Variants in MAST4 observed in about 807,000 individuals in gnomAD.
MAST4 encodes microtubule-associated serine/threonine-protein kinase 4.
A neutral mutation model predicts 162.7 loss-of-function variants in MAST4; 89 were observed. The observed-to-expected ratio is 0.55, with a 90% CI of 0.46 to 0.65. The LOEUF is 0.65. Among genes scored for constraint, MAST4 ranks in the 30% least tolerant of loss-of-function variants. The probability of loss-of-function intolerance (pLI) is 0.00; values close to 1 mark genes in which losing one functional copy is unlikely to be tolerated. For missense variants in MAST4, 3,153 were observed against 3,374.0 expected (o/e 0.93, Z 1.62); for synonymous variants, 1,479 against 1,361.1 (o/e 1.09, Z -1.91).
intron 3 of MAST4, among the ~76,000 whole-genome samples, chr5:66,837,894 ATTTTTTTTTTTTTT>A (rs754095073): frequency 0.34 from 18,120 of 53,442 alleles, 1,976 homozygotes; most frequent in Non-Finnish European, 0.4. Flanking sequence ...ATATATATAT[ATTTTTTTTTTTTTT>A]TTTTTTTTTA....
chr5:66,832,612 G>A (rs1222329043), intron 3 of MAST4, among the ~76,000 whole-genome samples: 1 of 152,114 alleles, frequency 6.6e-6, no homozygotes, highest in Non-Finnish European at 1.5e-5. Context: ...GTGCATGAAT[G>A]TATATTCAAG....
intron 14 of MAST4, among the ~76,000 whole-genome samples, chr5:67,126,738 G>A (rs1293592830): frequency 6.6e-6 from 1 of 152,020 alleles, no homozygotes; most frequent in African/African-American, 2.4e-5. Flanking sequence ...CTCTTTTTTG[G>A]TTCCCTATGA....
intron 3 of MAST4, among the ~76,000 whole-genome samples, chr5:66,850,423 T>A (rs1215192583): frequency 6.6e-6 from 1 of 152,232 alleles, no homozygotes; most frequent in East Asian, 1.9e-4. Flanking sequence ...ATGCTTGAGT[T>A]CTTCTGTGTG....
At chr5:66,736,306 A>G (rs980653197) in intron 1 of MAST4, among the ~76,000 whole-genome samples, 8 of 147,956 alleles carry the variant, frequency 5.4e-5, no homozygotes, top group Non-Finnish European at 1.0e-4. Flanking sequence ...GCAACCATGT[A>G]GTGAGGGAAT....
At chr5:67,004,164 C>T (rs1011001628) in intron 4 of MAST4, among the ~76,000 whole-genome samples, 2 of 152,086 alleles carry the variant, frequency 1.3e-5, no homozygotes, top group Non-Finnish European at 2.9e-5. Flanking sequence ...GGAGCGGCGG[C>T]CCAGGCTGCG....
chr5:67,059,473 A>AC (rs1759289091), intron 5 of MAST4, among the ~76,000 whole-genome samples: 2 of 152,268 alleles, frequency 1.3e-5, no homozygotes, highest in South Asian at 4.1e-4. Context: ...CCACAGTAAC[A>AC]CTTCATATTG....
rs35352639 is a variant in MAST4, at chr5:67,100,424, G to GT, written c.913-4dup. 3 of 1,613,576 alleles carry GT rather than the reference G, an allele frequency of 1.9e-6. No homozygotes were observed. Among genetic ancestry groups the GT allele is most frequent in the East Asian group, 2.2e-5 (1 of 44,854 alleles). ...GAGGTAGTTATGTGACCTCACTTTG[G>GT]TTTTTTTCAGTCATCCTGTTCCTCC... is the stretch of plus-strand genomic sequence containing the variant. On this transcript the variant is annotated splice_polypyrimidine_tract_variant and intron_variant, in intron 7 of 28. Transcript: ENST00000403625.
intron 3 of MAST4, among the ~76,000 whole-genome samples, chr5:66,789,988 A>ATTTTTTTTTTTTTTTTTTTTTTTTTTT (rs57743987): frequency 1.9e-5 from 1 of 52,476 alleles, no homozygotes; most frequent in African/African-American, 1.1e-4. Context: ...GCTTATTAGA[A>ATTTTTTTTTTTTTTTTTTTTTTTTTTT]TTTTTTTTTT....
intron 1 of MAST4, among the ~76,000 whole-genome samples, chr5:66,640,812 T>C (rs1168867876): frequency 1.3e-5 from 2 of 152,212 alleles, no homozygotes; most frequent in Admixed American, 6.5e-5. Flanking sequence ...TCTCATACTG[T>C]TTTTCATAAT....
At chr5:67,078,854 A>ATG (rs1762082731) in intron 5 of MAST4, among the ~76,000 whole-genome samples, 1 of 116,162 alleles carries the variant, frequency 8.6e-6, no homozygotes, top group African/African-American at 3.6e-5. Context: ...ATATTTATAT[A>ATG]TTTATATAAA....
rs181165172 is a variant in MAST4, at chr5:67,056,048, A to T, written c.763+1556A>T. Among the ~76,000 whole-genome samples, 318 of 149,436 alleles carry T rather than the reference A, an allele frequency of 2.1e-3. 1 individual carries two copies. The highest frequency in any genetic ancestry group is 3.9e-3 in the Non-Finnish European group (261 of 67,460). ...TGATATATATTATATATCCTATAAT[A>T]TGATTATATTCTATATATTCACTGT... On this transcript the variant is annotated intron_variant, in intron 5 of 28. Transcript: ENST00000403625.
chr5:66,837,592 G>T (rs1215184322), intron 3 of MAST4, among the ~76,000 whole-genome samples: 4 of 151,760 alleles, frequency 2.6e-5, no homozygotes, highest in Non-Finnish European at 4.4e-5. Context: ...CCCTTAGGAC[G>T]TGGTTCACCT....
chr5:66,788,924 G>T, intron 3 of MAST4, 130 bp downstream of exon 3: 1 of 1,226,210 alleles, frequency 8.2e-7, no homozygotes, highest in Non-Finnish European at 1.1e-6. Context: ...TGGCAATGTG[G>T]AATTCCTTGC....
At chr5:66,811,359 G>C (rs1361352249) in intron 3 of MAST4, among the ~76,000 whole-genome samples, 1 of 152,112 alleles carries the variant, frequency 6.6e-6, no homozygotes, top group Admixed American at 6.5e-5. Flanking sequence ...TTTTGGGTAG[G>C]AGGGAAAAAT....
chr5:66,833,482 C>A (rs949080968), intron 3 of MAST4, among the ~76,000 whole-genome samples: 2 of 152,152 alleles, frequency 1.3e-5, no homozygotes, highest in African/African-American at 4.8e-5. Context: ...TGATCTACTC[C>A]AGGGTAGGCT....
Position 67,166,309 on chromosome 5 carries a change from C to T in MAST4, c.7130C>T (p.Ala2377Val). ...RRAEGKKCTE[A>V]LYAPAEGDKL... ...GCGGAAGGGAAGAAATGCACTGAAG[C>T]ACTTTATGCTCCAGCAGAGGGCGAC... The change falls in exon 29 of 29, where the codon GCA (alanine) becomes GTA (valine). Residue 2377 changes from alanine (A) to valine (V), a missense_variant. By Grantham distance (64) the Ala-to-Val change is moderately conservative (BLOSUM62 0). This residue lies in a region of MAST4 where 1,644 missense variants were observed against 1,495.0 expected (regional missense o/e 1.10). Coordinates refer to ENST00000403625, the MANE Select transcript of MAST4 (RefSeq NM_001164664.2). The T allele has an allele frequency of 6.3e-7, 1 of 1,576,880 alleles. No individual in the cohort carries two copies. Among genetic ancestry groups the T allele is most frequent in the Non-Finnish European group, 8.6e-7 (1 of 1,161,100 alleles).
intron 5 of MAST4, among the ~76,000 whole-genome samples, chr5:67,083,680 AG>A (rs1762919917): frequency 6.6e-6 from 1 of 152,334 alleles, no homozygotes; most frequent in African/African-American, 2.4e-5. Flanking sequence ...ATCCAGATTC[AG>A]TCTATAATTA....
intron 1 of MAST4, among the ~76,000 whole-genome samples, chr5:66,712,375 T>C (rs571701548): frequency 6.6e-6 from 1 of 152,338 alleles, no homozygotes; most frequent in East Asian, 1.9e-4. Context: ...GCAGTTTTGT[T>C]CCAGAATTAC....
At chr5:66,717,354 C>T (rs1750908982) in intron 1 of MAST4, among the ~76,000 whole-genome samples, 1 of 152,138 alleles carries the variant, frequency 6.6e-6, no homozygotes, top group African/African-American at 2.4e-5. Flanking sequence ...CTCTAATTTT[C>T]TTATGTAGGC....
Sources: gnomAD v4.1 joint callset for allele counts (sites outside exome capture counted in the v4.1 genomes callset) on GRCh38, gnomAD v4.1.1 for gene constraint, gnomAD v4.1.1 regional missense constraint, MANE v1.5 for transcripts, NCBI Gene and HGNC (gene_info 2026-07-23, HGNC 2026-07-21) for gene names.